Variants in PPP1CC observed in about 807,000 individuals in gnomAD.
PPP1CC encodes the protein serine/threonine-protein phosphatase PP1-gamma catalytic subunit.
In PPP1CC, 16 loss-of-function variants were observed where a neutral mutation model predicts 38.4. That is an observed-to-expected ratio of 0.42 (90% CI 0.28 to 0.63). The LOEUF is 0.63. Ranked by LOEUF, PPP1CC falls within the 30% of genes least tolerant of loss-of-function variation. The pLI is 0.25. For missense variants in PPP1CC, 170 were observed against 391.3 expected (o/e 0.43, Z 4.77); for synonymous variants, 158 against 136.0 (o/e 1.16, Z -1.13).
downstream of PPP1CC, among the ~76,000 whole-genome samples, chr12:110,716,266 C>T (rs1020603445): frequency 2.6e-5 from 4 of 152,116 alleles, no homozygotes; most frequent in African/African-American, 9.7e-5. Context: ...AAAATTCTTA[C>T]AAACTTTTGT....
intron 1 of PPP1CC, among the ~76,000 whole-genome samples, chr12:110,739,687 G>A (rs567379274): frequency 1.3e-5 from 2 of 152,256 alleles, no homozygotes; most frequent in East Asian, 3.9e-4. Flanking sequence ...CTTTGACAAT[G>A]GCCTTCTTCA....
At chr12:110,721,978 CCA>C in intron 6 of PPP1CC, 155 bp downstream of exon 6, 1 of 786,488 alleles carries the variant, frequency 1.3e-6, no homozygotes, top group Non-Finnish European at 1.9e-6. Context: ...TACAAGGGAT[CCA>C]CACATTATTC....
At chr12:110,717,132 G>C (rs1486423710), downstream of PPP1CC, among the ~76,000 whole-genome samples, 1 of 152,146 alleles carries the variant, frequency 6.6e-6, no homozygotes, top group African/African-American at 2.4e-5. Flanking sequence ...TTATGACTAA[G>C]GCAAGTTGTA....
the PPP1CC span, among the ~76,000 whole-genome samples, chr12:110,708,827 G>A: frequency 6.7e-6 from 1 of 149,940 alleles, no homozygotes; most frequent in Non-Finnish European, 1.5e-5. Flanking sequence ...CTCCAGCTTG[G>A]GTGACAGAGC....
At position 110,720,879 on chromosome 12, in the gene PPP1CC, C is replaced by T. The variant is rs1005220203; in HGVS notation, c.*197G>A. 3 of 478,384 alleles carry T rather than the reference C, an allele frequency of 6.3e-6. No homozygotes were observed. The highest frequency in any genetic ancestry group is 3.9e-5 in the African/African-American group (2 of 50,936). The allele number at this position is 478,384 out of a possible 1,614,324, so 29.6% of individuals were successfully genotyped here. ...GAACAGAGAATTAAAAAACAAAACACTTTTCTTTTTGGAGTGAAGAGTCTT... is the reference window on the plus strand; with the variant it reads ...GAACAGAGAATTAAAAAACAAAACATTTTTCTTTTTGGAGTGAAGAGTCTT... On this transcript the variant is annotated 3_prime_UTR_variant, in exon 7 of 7. Coordinates refer to ENST00000335007, the MANE Select transcript of PPP1CC (RefSeq NM_002710.4).
rs1409731495 is a variant in PPP1CC at position 110,720,208 on chromosome 12, TA to T, written c.*867del. 6.5e-7 allele frequency: 1 copy of T among 1,544,688 alleles called. No homozygotes were observed. On this transcript the variant is annotated 3_prime_UTR_variant, in exon 7 of 7. Coordinates refer to ENST00000335007, the MANE Select transcript of PPP1CC (RefSeq NM_002710.4). Reference sequence around the variant, plus strand: ...GACGGGTTCAGGCCTGATGCAACTGTAAAAAGATTACTTAATGAATAGACTA... The same window carrying T: ...GACGGGTTCAGGCCTGATGCAACTGTAAAAGATTACTTAATGAATAGACTA...
Position 110,737,477 on chromosome 12 carries a change from CAAAAAAA to C in PPP1CC, c.55+5169_55+5175del, listed in dbSNP as rs71083137. ...CCAGCCTGGGTGACAAAGAAAGACT[CAAAAAAA>C]AAAAAAAAAAAAAAAAAGAAAAGAA... On this transcript the variant is annotated intron_variant, in intron 1 of 6. Coordinates refer to ENST00000335007, the MANE Select transcript of PPP1CC (RefSeq NM_002710.4). 6.8e-4 allele frequency among the ~76,000 whole-genome samples: 29 copies of C among 42,488 alleles called. 1 individual carries two copies. The highest frequency in any genetic ancestry group is 2.2e-3 in the South Asian group (2 of 916). 27.9% of individuals were successfully genotyped at this position (42,488 alleles called of 152,430 possible). A position where few individuals can be genotyped will look rare whatever the true frequency, so the allele number is the denominator to read the frequency against.
rs1593572271 is a variant in PPP1CC at position 110,722,031 on chromosome 12, C to T, written c.882+104G>A. The T allele has an allele frequency of 2.2e-6, 3 of 1,392,024 alleles. No individual in the cohort carries two copies. The highest frequency in any genetic ancestry group is 4.7e-5 in the East Asian group (2 of 42,632). 86.2% of individuals were successfully genotyped at this position (1,392,024 alleles called of 1,614,324 possible). ...TGGTTAAGGGAAAATAAAAACTTAG[C>T]CTACTCAGCATAAGTGAACACTAGG... On this transcript the variant is annotated intron_variant, in intron 6 of 6. Transcript: ENST00000335007. This position sits in a 1 kb window ranked among gnomAD's most constrained non-coding sequence, Gnocchi z 5.4.
In PPP1CC at chr12:110,742,763, A is replaced by C; in HGVS notation, c.-56T>G. ...GCGCCGCCGCCGGCTCGCGCCCGGGACTCACACCTCCTTTCCCACGCCACG... is the reference window on the plus strand; with the variant it reads ...GCGCCGCCGCCGGCTCGCGCCCGGGCCTCACACCTCCTTTCCCACGCCACG... On this transcript the variant is annotated 5_prime_UTR_variant, in exon 1 of 7. Transcript: ENST00000335007. The C allele has an allele frequency of 7.6e-7, 1 of 1,314,686 alleles. No individual in the cohort carries two copies. The highest frequency in any genetic ancestry group is 9.9e-7 in the Non-Finnish European group (1 of 1,010,928). 81.4% of individuals were successfully genotyped at this position (1,314,686 alleles called of 1,614,324 possible).
Position 110,730,713 on chromosome 12 carries a change from G to A in PPP1CC, c.234C>T (p.Tyr78=), listed in dbSNP as rs767247849. The A allele has an allele frequency of 1.8e-5, 29 of 1,613,820 alleles. No individual in the cohort carries two copies. Among genetic ancestry groups the A allele is most frequent in the Middle Eastern group, 1.7e-4 (1 of 6,060 alleles). ...AGTTGCTTTCTGGTGGGAAACCACC[G>A]TACTCAAAAAGTCGCAGCAAATCAT... is the stretch of plus-strand genomic sequence containing the variant. ...QYYDLLRLFE[Y]GGFPPESNYL... is the part of the protein sequence containing the mutation. Residue 78 remains tyrosine, a synonymous_variant, in exon 3 of 7, where the codon TAC becomes TAT. Transcript: ENST00000335007.
At chr12:110,729,295 A>G (rs767984022) in intron 3 of PPP1CC, among the ~76,000 whole-genome samples, 5 of 151,258 alleles carry the variant, frequency 3.3e-5, no homozygotes, top group Non-Finnish European at 7.4e-5. Context: ...CCTGGGTTCA[A>G]GTGATTCTCC....
chr12:110,716,018 A>G (rs1421722476), downstream of PPP1CC, among the ~76,000 whole-genome samples: 2 of 152,196 alleles, frequency 1.3e-5, no homozygotes, highest in Non-Finnish European at 2.9e-5. Context: ...GGTTGGTGGA[A>G]AGGCAAGTTG....
intron 3 of PPP1CC, among the ~76,000 whole-genome samples, chr12:110,728,412 A>AAAC (rs1566084605): frequency 6.8e-6 from 1 of 146,862 alleles, no homozygotes; most frequent in Non-Finnish European, 1.5e-5. Flanking sequence ...AAAAAAAAAA[A>AAAC]AACAAAAAAC....
At chr12:110,721,246 C>T in intron 6 of PPP1CC, 81 bp from the exon 7 acceptor site, 1 of 1,233,162 alleles carries the variant, frequency 8.1e-7, no homozygotes, top group Non-Finnish European at 1.2e-6. Context: ...TTCAGATCTT[C>T]TGTTCAGATG....
intron 3 of PPP1CC, among the ~76,000 whole-genome samples, chr12:110,726,965 G>T (rs2069806329): frequency 6.6e-6 from 1 of 152,102 alleles, no homozygotes; most frequent in African/African-American, 2.4e-5. Flanking sequence ...TTGAGGTGGG[G>T]TCTCACTGCA....
chr12:110,719,246 T>A (rs755595369), downstream of PPP1CC, among the ~76,000 whole-genome samples: 11 of 152,130 alleles, frequency 7.2e-5, no homozygotes, highest in Non-Finnish European at 1.0e-4. Flanking sequence ...GAGGTCCCCC[T>A]TCCCTCTTTG....
At position 110,724,734 on chromosome 12, in the gene PPP1CC, T is replaced by A; in HGVS notation, c.449A>T (p.Lys150Ile). Residue 150 changes from lysine (K) to isoleucine (I), a missense_variant, in exon 4 of 7, where the codon AAA becomes ATA. This residue lies in a region of PPP1CC where 117 missense variants were observed against 344.4 expected (regional missense o/e 0.34). Transcript: ENST00000335007. ...CKRRYNIKLWKTFTDCFNCLP... is the reference protein window; with the variant it reads ...CKRRYNIKLWITFTDCFNCLP... ...ACAGTTAAAACAGTCTGTGAAAGTTTTCCATAGTTTAATGTTGTATCTTCT... is the reference window on the plus strand; with the variant it reads ...ACAGTTAAAACAGTCTGTGAAAGTTATCCATAGTTTAATGTTGTATCTTCT... 6.2e-7 allele frequency: 1 copy of A among 1,609,322 alleles called. No homozygotes were observed. Among genetic ancestry groups the A allele is most frequent in the Non-Finnish European group, 8.5e-7 (1 of 1,175,728 alleles).
chr12:110,739,540 A>G (rs2069988838), intron 1 of PPP1CC, among the ~76,000 whole-genome samples: 1 of 152,178 alleles, frequency 6.6e-6, no homozygotes, highest in African/African-American at 2.4e-5. Flanking sequence ...GAATATCTGA[A>G]CACTCCCTAC....
At chr12:110,712,236 G>T in the PPP1CC span, among the ~76,000 whole-genome samples, 1 of 151,934 alleles carries the variant, frequency 6.6e-6, no homozygotes, top group African/African-American at 2.4e-5. Flanking sequence ...ATTGCCTAAT[G>T]ACATACTTCT....
Sources: gnomAD v4.1 joint callset for allele counts (sites outside exome capture counted in the v4.1 genomes callset) on GRCh38, gnomAD v4.1.1 for gene constraint, gnomAD v4.1.1 regional missense constraint, Gnocchi (gnomAD v3.1) non-coding constraint, MANE v1.5 for transcripts, NCBI Gene and HGNC (gene_info 2026-07-23, HGNC 2026-07-21) for gene names.